XPO5: variants seen among roughly 807,000 people sequenced by gnomAD.
XPO5 encodes the protein exportin 5, also known as exportin-5.
A neutral mutation model predicts 160.6 loss-of-function variants in XPO5; 46 were observed. That is an observed-to-expected ratio of 0.29 (90% CI 0.23 to 0.37). The LOEUF (loss-of-function observed/expected upper bound fraction) is 0.37. Ranked by LOEUF, XPO5 falls within the 10% of genes least tolerant of loss-of-function variation. XPO5 has a pLI of 1.00. For missense variants in XPO5, 1,090 were observed against 1,463.9 expected (o/e 0.74, Z 4.17); for synonymous variants, 537 against 519.3 (o/e 1.03, Z -0.46).
At chr6:43,548,222 T>C in intron 18 of XPO5, 39 bp downstream of exon 18, 4 of 1,527,418 alleles carry the variant, frequency 2.6e-6, no homozygotes, top group Non-Finnish European at 2.6e-6. Flanking sequence ...AAATGGGTGC[T>C]TGAGTATAGT....
chr6:43,573,623 T>A, intron 1 of XPO5, 22 bp from the exon 2 acceptor site: 1 of 1,605,334 alleles, frequency 6.2e-7, no homozygotes, highest in Non-Finnish European at 8.5e-7. Context: ...AAAGTTAGTG[T>A]TTCCTTTCGA....
At chr6:43,543,719 AC>A (rs1794823484) in intron 20 of XPO5, among the ~76,000 whole-genome samples, 1 of 151,082 alleles carries the variant, frequency 6.6e-6, no homozygotes, top group Non-Finnish European at 1.5e-5. Flanking sequence ...TTGCCCAGGG[AC>A]AGGGAAGACT....
At position 43,555,932 on chromosome 6, in the gene XPO5, A is replaced by T; in HGVS notation, c.1345T>A (p.Leu449Met). 6.2e-7 allele frequency: 1 copy of T among 1,613,964 alleles called. No homozygotes were observed. Among genetic ancestry groups the T allele is most frequent in the Non-Finnish European group, 8.5e-7 (1 of 1,179,872 alleles). ...GTTTTGGGATCCAAACGACATGCCA[A>T]CCTCATCACCTCTCCTTGTTGTGCT... ...SRAQQGEVMR[L>M]ACRLDPKTSF... The change falls in exon 13 of 32, where the codon TTG becomes ATG. Residue 449 changes from leucine (L) to methionine (M), a missense_variant. By Grantham distance (15) the Leu-to-Met change is conservative. This residue lies in a region of XPO5 where 810 missense variants were observed against 1,139.0 expected (regional missense o/e 0.71). Transcript: ENST00000265351.
intron 26 of XPO5, chr6:43,527,416 C>T: frequency 2.3e-6 from 1 of 433,038 alleles, no homozygotes; most frequent in Non-Finnish European, 4.2e-6. Context: ...GGACTACAGG[C>T]CTGCGCGCCA....
intron 20 of XPO5, among the ~76,000 whole-genome samples, chr6:43,540,295 C>A (rs540545340): frequency 1.3e-5 from 2 of 152,196 alleles, no homozygotes; most frequent in East Asian, 3.9e-4. Context: ...CTGGCTAATA[C>A]GGTGAAACCC....
At chr6:43,524,266 C>T (rs777595288) in intron 31 of XPO5, among the ~76,000 whole-genome samples, 4 of 150,978 alleles carry the variant, frequency 2.6e-5, no homozygotes, top group Non-Finnish European at 5.9e-5. Context: ...GCAGGAGAAT[C>T]GTTTGAACCT....
At position 43,559,585 on chromosome 6, in the gene XPO5, A is replaced by G. The variant is rs1345875852; in HGVS notation, c.1221+593T>C. Among the ~76,000 whole-genome samples, 4 of 152,226 alleles carry G rather than the reference A, an allele frequency of 2.6e-5. 1 individual carries two copies. In the East Asian group the frequency reaches 7.7e-4, roughly 29 times the overall value. The stretch of plus-strand genomic sequence containing the variant: ...GGAATCTTCCTGACTCAACCCTCCT[A>G]TGTACTTCCAAAGCATTCTGCTTTT... On this transcript the variant is annotated intron_variant, in intron 11 of 31. Coordinates refer to ENST00000265351, the MANE Select transcript of XPO5 (RefSeq NM_020750.3).
rs1207346092 is a variant in XPO5, at chr6:43,533,667, T to C, written c.2443+240A>G. On this transcript the variant is annotated intron_variant, in intron 21 of 31. Transcript: ENST00000265351. ...GCCTGGGCAACATAGCAAGACTCTG[T>C]CTCAACAAAAAAATTTTAAAGTTCG... 1.7e-5 allele frequency: 5 copies of C among 297,988 alleles called. No homozygotes were observed. In the Admixed American group the frequency reaches 2.2e-4, roughly 13 times the overall value. 18.5% of individuals were successfully genotyped at this position (297,988 alleles called of 1,614,324 possible).
chr6:43,525,333 T>G, intron 28 of XPO5, 119 bp from the exon 29 acceptor site: 2 of 958,776 alleles, frequency 2.1e-6, no homozygotes, highest in Non-Finnish European at 3.0e-6. Flanking sequence ...AAAGATGGGT[T>G]TGTTTTGTTG....
At chr6:43,531,086 G>A (rs1793946164) in intron 22 of XPO5, among the ~76,000 whole-genome samples, 1 of 152,202 alleles carries the variant, frequency 6.6e-6, no homozygotes. Flanking sequence ...GTAGTGGTTA[G>A]TGAGGCCAAA....
At chr6:43,575,223 T>C (rs1763239015) in intron 1 of XPO5, among the ~76,000 whole-genome samples, 1 of 152,202 alleles carries the variant, frequency 6.6e-6, no homozygotes, top group Non-Finnish European at 1.5e-5. Flanking sequence ...GTGCGAGAAT[T>C]TCCCCGGAAA....
Position 43,549,498 on chromosome 6 carries a change from C to A in XPO5, c.1851G>T (p.Gln617His). Reference sequence around the variant, plus strand: ...GGGTCCAGCAGCTTACCAGCACAAGCTGGGGGTAGTCACGACACATCTTGA... The same window carrying A: ...GGGTCCAGCAGCTTACCAGCACAAGATGGGGGTAGTCACGACACATCTTGA... ...SIIKMCRDYPQLVLPNFDMLY... is the reference protein window; with the variant it reads ...SIIKMCRDYPHLVLPNFDMLY... The change falls in exon 17 of 32, where the codon CAG becomes CAT. Residue 617 changes from glutamine to histidine, a missense_variant. By Grantham distance (24) the Gln-to-His change is conservative (BLOSUM62 0). Around this residue, in one of 3 missense-constraint regions of XPO5, gnomAD observed 810 missense variants for 1,139.0 expected, o/e 0.71. Transcript: ENST00000265351. The A allele has an allele frequency of 6.2e-7, 1 of 1,611,374 alleles. No homozygotes were observed. The highest frequency in any genetic ancestry group is 8.5e-7 in the Non-Finnish European group (1 of 1,179,010).
In XPO5 at chr6:43,530,832, G is replaced by A. The variant is rs754345399; in HGVS notation, c.2541-8C>T. The stretch of plus-strand genomic sequence containing the variant: ...TTCCCTAGGATATGAAAACTGTAAA[G>A]GGGAAAAAAAGAGCATTGAAAATGA... On this transcript the variant is annotated splice_region_variant and splice_polypyrimidine_tract_variant and intron_variant, in intron 22 of 31. Transcript: ENST00000265351. 1.2e-6 allele frequency: 2 copies of A among 1,603,594 alleles called. No individual in the cohort carries two copies. The highest frequency in any genetic ancestry group is 1.7e-6 in the Non-Finnish European group (2 of 1,176,002).
At position 43,573,571 on chromosome 6, in the gene XPO5, T is replaced by G. The variant is rs1173921210; in HGVS notation, c.136A>C (p.Ile46Leu). The change falls in exon 2 of 32, where the codon ATC (isoleucine) becomes CTC (leucine). Residue 46 changes from isoleucine (I) to leucine (L), a missense_variant. By Grantham distance (5) the Ile-to-Leu change is conservative. Around this residue, in one of 3 missense-constraint regions of XPO5, gnomAD observed 170 missense variants for 227.0 expected, o/e 0.75. Transcript: ENST00000265351. ...FCEEFKEKCP[I>L]CVPCGLRLAE... Reference sequence around the variant, plus strand: ...AACCTCAAGCCACAGGGGACACAGATAGGACACTTTTCTTTAAACTCCTCA... The same window carrying G: ...AACCTCAAGCCACAGGGGACACAGAGAGGACACTTTTCTTTAAACTCCTCA... 1.1e-5 allele frequency: 18 copies of G among 1,613,502 alleles called. No homozygotes were observed. Among genetic ancestry groups the G allele is most frequent in the Non-Finnish European group, 1.5e-5 (18 of 1,179,684 alleles).
intron 5 of XPO5, among the ~76,000 whole-genome samples, chr6:43,570,003 C>CTT (rs35322286): frequency 0.025 from 2,161 of 85,324 alleles, 142 homozygotes; most frequent in African/African-American, 0.094. Context: ...AGATCCCTAT[C>CTT]TTTTTTTTTT....
At chr6:43,558,406 C>A in intron 12 of XPO5, 95 bp downstream of exon 12, 1 of 1,143,904 alleles carries the variant, frequency 8.7e-7, no homozygotes, top group Non-Finnish European at 1.2e-6. Context: ...ATTTGGGGAT[C>A]TTTCGTAAAA....
At chr6:43,549,995 T>TAAAC (rs1491481548) in intron 15 of XPO5, 61 bp from the exon 16 acceptor site, 2 of 1,558,812 alleles carry the variant, frequency 1.3e-6, no homozygotes, top group Non-Finnish European at 1.8e-6. Context: ...GAGATCTTGC[T>TAAAC]ATGTTGCCCA....
At chr6:43,566,205 C>G (rs556003346) in intron 7 of XPO5, among the ~76,000 whole-genome samples, 1 of 152,102 alleles carries the variant, frequency 6.6e-6, no homozygotes, top group Admixed American at 6.6e-5. Context: ...CCAGCCTGGC[C>G]AACATAGTGA....
At chr6:43,558,837 T>G (rs964527997) in intron 11 of XPO5, 2 of 384,530 alleles carry the variant, frequency 5.2e-6, no homozygotes, top group Non-Finnish European at 9.3e-6. Context: ...CAGGGAGAAT[T>G]AAATTCTTGA....
Sources: gnomAD v4.1 joint callset for allele counts (sites outside exome capture counted in the v4.1 genomes callset) on GRCh38, gnomAD v4.1.1 for gene constraint, gnomAD v4.1.1 regional missense constraint, MANE v1.5 for transcripts, NCBI Gene and HGNC (gene_info 2026-07-23, HGNC 2026-07-21) for gene names.